The following BRWD1 variants were observed in gnomAD, a reference collection of about 807,000 sequenced individuals.
The protein encoded by BRWD1 is bromodomain and WD repeat domain containing 1, also known as bromodomain and WD repeat-containing protein 1.
In BRWD1, 82 loss-of-function variants were observed where a neutral mutation model predicts 251.2. That is an observed-to-expected ratio of 0.33 (90% CI 0.27 to 0.39). The LOEUF (loss-of-function observed/expected upper bound fraction) is 0.39. Among genes scored for constraint, BRWD1 ranks in the 10% least tolerant of loss-of-function variants. The pLI, the probability that BRWD1 is intolerant of heterozygous loss-of-function variation, is 1.00. For synonymous variants in BRWD1, 918 were observed against 902.8 expected (o/e 1.02, Z -0.30); for missense variants, 2,233 against 2,711.6 (o/e 0.82, Z 3.92).
chr21:39,184,259 C>T (rs2031081443), downstream of BRWD1: 1 of 152,194 alleles, frequency 6.6e-6, no homozygotes, highest in Non-Finnish European at 1.5e-5. Flanking sequence ...ATTTAAAAAA[C>T]ATTTTTATGA....
chr21:39,244,369 T>C (rs969227933), intron 21 of BRWD1, among the ~76,000 whole-genome samples: 1 of 152,164 alleles, frequency 6.6e-6, no homozygotes, highest in Non-Finnish European at 1.5e-5. Context: ...CGGCCCATGC[T>C]GCTAACTTTT....
At chr21:39,313,853 C>A, upstream of BRWD1, 1 of 338,378 alleles carries the variant, frequency 3.0e-6, no homozygotes, top group Non-Finnish European at 5.5e-6. Flanking sequence ...GAGGGGAGGG[C>A]GCGTGGTCCG....
At chr21:39,203,780 C>T (rs1381239222) in intron 37 of BRWD1, among the ~76,000 whole-genome samples, 1 of 150,320 alleles carries the variant, frequency 6.7e-6, no homozygotes, top group African/African-American at 2.5e-5. Context: ...AAGTTAATCA[C>T]AATTCTTTAA....
Position 39,313,229 on chromosome 21 carries a change from G to A in BRWD1, c.108+12C>T. The A allele has an allele frequency of 6.5e-7, 1 of 1,531,400 alleles. No individual in the cohort carries two copies. The highest frequency in any genetic ancestry group is 8.8e-7 in the Non-Finnish European group (1 of 1,132,878). 94.9% of individuals were successfully genotyped at this position (1,531,400 alleles called of 1,614,324 possible). A position where few individuals can be genotyped will look rare whatever the true frequency, so the allele number is the denominator to read the frequency against. On this transcript the variant is annotated intron_variant, in intron 2 of 40. Transcript: ENST00000342449. ...ACGCCAAGTCCGCAGCCGCCCGCGG[G>A]CCCGCACTCACCTGGGCCGCTCTCC...
chr21:39,223,881 G>A (rs1397024161), intron 29 of BRWD1, among the ~76,000 whole-genome samples: 2 of 152,094 alleles, frequency 1.3e-5, no homozygotes, highest in Admixed American at 6.6e-5. Flanking sequence ...ATGGAGTCTC[G>A]CTGTCGCCTA....
chr21:39,221,356 A>G (rs1173857740), intron 29 of BRWD1, among the ~76,000 whole-genome samples: 4 of 152,194 alleles, frequency 2.6e-5, no homozygotes, highest in Non-Finnish European at 5.9e-5. Context: ...TTACTCTATA[A>G]GCATAGCTAA....
Position 39,190,966 on chromosome 21 carries a change from C to A in BRWD1, c.*5293G>T, listed in dbSNP as rs2031521143. On this transcript the variant is annotated 3_prime_UTR_variant, in exon 41 of 41. Transcript: ENST00000342449. ...AGCTCATCACAATACAGTTTTCTCT[C>A]ACCCCTAGAAAAACTCAGATTTGTG... 4.1e-6 allele frequency: 4 copies of A among 985,262 alleles called. No individual in the cohort carries two copies. The highest frequency in any genetic ancestry group is 4.8e-6 in the Non-Finnish European group (4 of 829,804). The allele number at this position is 985,262 out of a possible 1,614,324, so 61.0% of individuals were successfully genotyped here.
rs747194355 is a variant in BRWD1 at position 39,206,130 on chromosome 21, T to TGTC, written c.4339_4341dup (p.Asp1447dup). 1 of 1,611,720 alleles carries TGTC rather than the reference T, an allele frequency of 6.2e-7. No homozygotes were observed. Among genetic ancestry groups the TGTC allele is most frequent in the South Asian group, 1.1e-5 (1 of 90,228 alleles). ...TACCTGATACTTTTGTTAGGCTGAC[T>TGTC]GTCACCTTTACAATTTTGCCGTTGC... On this transcript the variant is annotated inframe_insertion, in exon 37 of 41. Coordinates refer to ENST00000342449, the MANE Select transcript of BRWD1 (RefSeq NM_033656.4).
Position 39,297,344 on chromosome 21 carries a change from C to T in BRWD1, c.350-981G>A, listed in dbSNP as rs1601487991. ...GACCAAAGAGCAGTTACAAGGCATCCTCCTGGGGTACCAGTACAAAACAAA... is the reference window on the plus strand; with the variant it reads ...GACCAAAGAGCAGTTACAAGGCATCTTCCTGGGGTACCAGTACAAAACAAA... On this transcript the variant is annotated intron_variant, in intron 5 of 40. Coordinates refer to ENST00000342449, the MANE Select transcript of BRWD1 (RefSeq NM_033656.4). The T allele has an allele frequency of 6.1e-6, 6 of 985,460 alleles. No homozygotes were observed. The African/African-American group carries it at 8.7e-5, about 14-fold the overall frequency. 61.0% of individuals were successfully genotyped at this position (985,460 alleles called of 1,614,324 possible).
intron 25 of BRWD1, 74 bp from the exon 26 acceptor site, chr21:39,229,510 T>C (rs902986494): frequency 7.2e-6 from 10 of 1,380,318 alleles, no homozygotes; most frequent in East Asian, 2.4e-5. Context: ...CATACTGTTA[T>C]ATTAAGTAAA....
At chr21:39,299,089 G>A (rs1399733500) in intron 4 of BRWD1, among the ~76,000 whole-genome samples, 3 of 152,092 alleles carry the variant, frequency 2.0e-5, no homozygotes, top group African/African-American at 7.2e-5. Context: ...CAGGCATGGT[G>A]GTGCACACCT....
intron 10 of BRWD1, among the ~76,000 whole-genome samples, chr21:39,278,314 GA>G (rs946398578): frequency 6.6e-6 from 1 of 151,912 alleles, no homozygotes; most frequent in Non-Finnish European, 1.5e-5. Context: ...TGACCTATCC[GA>G]AAAAAGAGAA....
intron 25 of BRWD1, among the ~76,000 whole-genome samples, chr21:39,230,053 T>C (rs917049049): frequency 1.3e-5 from 2 of 152,228 alleles, no homozygotes; most frequent in Admixed American, 1.3e-4. Flanking sequence ...CACATTTTTA[T>C]TTATATAGCT....
chr21:39,320,890 ACTC>A (rs1348137620), intron 1 of BRWD1: 1 of 150,744 alleles, frequency 6.6e-6, no homozygotes, highest in African/African-American at 2.4e-5. Flanking sequence ...CTGGTCTCGA[ACTC>A]CTGACCTCAG....
chr21:39,264,611 C>A lies in BRWD1; in HGVS notation c.1734G>T (p.Glu578Asp). 1 of 1,613,378 alleles carries A rather than the reference C, an allele frequency of 6.2e-7. No individual in the cohort carries two copies. Among genetic ancestry groups the A allele is most frequent in the Non-Finnish European group, 8.5e-7 (1 of 1,179,690 alleles). Reference protein sequence around the residue: ...IRDSNNYVLDEQTQQAPHLMP... With the variant: ...IRDSNNYVLDDQTQQAPHLMP... The stretch of plus-strand genomic sequence containing the variant: ...TAAGATGAGGAGCCTGCTGAGTTTG[C>A]TCATCTAAGACATAATTATTAGAAT... Residue 578 changes from glutamate to aspartate, a missense_variant, in exon 17 of 41, where the codon GAG becomes GAT. Coordinates refer to ENST00000342449, the MANE Select transcript of BRWD1 (RefSeq NM_033656.4).
At chr21:39,284,896 C>G (rs2035584772) in intron 8 of BRWD1, among the ~76,000 whole-genome samples, 2 of 152,120 alleles carry the variant, frequency 1.3e-5, no homozygotes, top group Admixed American at 1.3e-4. Flanking sequence ...TGTTTGTTTC[C>G]TTTGCTGTGC....
intron 8 of BRWD1, among the ~76,000 whole-genome samples, chr21:39,287,970 T>A (rs1432856156): frequency 6.6e-6 from 1 of 152,104 alleles, no homozygotes; most frequent in Non-Finnish European, 1.5e-5. Context: ...TATCTCATAG[T>A]CTCTATGGTC....
At chr21:39,255,563 A>T in intron 19 of BRWD1, 82 bp downstream of exon 19, 2 of 1,138,170 alleles carry the variant, frequency 1.8e-6, no homozygotes, top group Non-Finnish European at 2.5e-6. Flanking sequence ...TTACACAATT[A>T]ATGGAATACA....
chr21:39,264,508 T>G lies in BRWD1; in HGVS notation c.1837A>C (p.Asn613His), dbSNP rs2034859422. 6.2e-7 allele frequency: 1 copy of G among 1,612,094 alleles called. No individual in the cohort carries two copies. The highest frequency in any genetic ancestry group is 8.5e-7 in the Non-Finnish European group (1 of 1,179,680). ...GGAATCAAATGTTCATCTGCAGAAT[T>G]TTCTCGGCCTGGTACTAATCTCTGA... is the stretch of plus-strand genomic sequence containing the variant. ...KYQRLVPGRE[N>H]SADEHLIPQL... Residue 613 changes from asparagine to histidine, a missense_variant, in exon 17 of 41, where the codon AAT becomes CAT. Coordinates refer to ENST00000342449, the MANE Select transcript of BRWD1 (RefSeq NM_033656.4).
Sources: gnomAD v4.1 joint callset for allele counts (sites outside exome capture counted in the v4.1 genomes callset) on GRCh38, gnomAD v4.1.1 for gene constraint, MANE v1.5 for transcripts, NCBI Gene and HGNC (gene_info 2026-07-23, HGNC 2026-07-21) for gene names.